Variants in BAZ2B observed in about 807,000 individuals in gnomAD.
BAZ2B encodes the protein bromodomain adjacent to zinc finger domain protein 2B.
Under a neutral mutation model 246.0 loss-of-function variants are expected in BAZ2B, and 91 were observed. The ratio of observed to expected loss-of-function variants is 0.37; its 90% CI spans 0.31 to 0.44. The LOEUF is 0.44. Among genes scored for constraint, BAZ2B ranks in the 20% least tolerant of loss-of-function variants. The pLI is 1.00. For missense variants in BAZ2B, 2,332 were observed against 2,533.7 expected (o/e 0.92, Z 1.71); for synonymous variants, 855 against 860.0 (o/e 0.99, Z 0.10).
chr2:159,630,413 C>T, the BAZ2B span, among the ~76,000 whole-genome samples: 1 of 152,170 alleles, frequency 6.6e-6, no homozygotes, highest in African/African-American at 2.4e-5. Flanking sequence ...GTGGCATAAC[C>T]ATAGAGAATT....
chr2:159,478,932 T>C (rs746012786), intron 2 of BAZ2B, among the ~76,000 whole-genome samples: 7 of 152,200 alleles, frequency 4.6e-5, no homozygotes, highest in South Asian at 2.1e-4. Flanking sequence ...CTCTTGAGTT[T>C]TCTTATACCC....
At chr2:159,362,372 T>C (rs964911286) in intron 27 of BAZ2B, among the ~76,000 whole-genome samples, 2 of 152,172 alleles carry the variant, frequency 1.3e-5, no homozygotes, top group Non-Finnish European at 2.9e-5. Context: ...TTATCATTAC[T>C]CAGAAATTAA....
At chr2:159,466,709 G>A (rs1002331265) in intron 3 of BAZ2B, among the ~76,000 whole-genome samples, 19 of 152,008 alleles carry the variant, frequency 1.2e-4, no homozygotes, top group Non-Finnish European at 1.0e-4. Flanking sequence ...GAAAGCTGGT[G>A]GTATAATTCT....
chr2:159,465,649 C>T (rs757706532), intron 3 of BAZ2B, among the ~76,000 whole-genome samples: 1 of 152,170 alleles, frequency 6.6e-6, no homozygotes, highest in African/African-American at 2.4e-5. Context: ...TGAACAGGCG[C>T]GATGGCTCAT....
chr2:159,432,046 A>G (rs1174655274), intron 9 of BAZ2B, among the ~76,000 whole-genome samples: 1 of 152,178 alleles, frequency 6.6e-6, no homozygotes, highest in African/African-American at 2.4e-5. Context: ...GACACTTTAA[A>G]TTGTACAGCT....
intron 1 of BAZ2B, among the ~76,000 whole-genome samples, chr2:159,595,360 C>T (rs1237896824): frequency 6.6e-6 from 1 of 152,094 alleles, no homozygotes; most frequent in Non-Finnish European, 1.5e-5. Context: ...CCTCGGCCTC[C>T]CAAAGTGCTG....
At chr2:159,532,092 AT>A (rs2085436854) in intron 2 of BAZ2B, among the ~76,000 whole-genome samples, 1 of 152,156 alleles carries the variant, frequency 6.6e-6, no homozygotes, top group South Asian at 2.1e-4. Flanking sequence ...CCACAAAATT[AT>A]TTTTTATAAA....
At chr2:159,479,394 T>TA (rs2078999608) in intron 2 of BAZ2B, among the ~76,000 whole-genome samples, 1 of 152,204 alleles carries the variant, frequency 6.6e-6, no homozygotes, top group African/African-American at 2.4e-5. Context: ...ATGCTGATAT[T>TA]AAAAATTTGG....
intron 13 of BAZ2B, 73 bp from the exon 14 acceptor site, chr2:159,412,618 T>A: frequency 7.1e-6 from 10 of 1,406,992 alleles, no homozygotes; most frequent in Non-Finnish European, 8.7e-6. Flanking sequence ...TGTAAGAAAA[T>A]TCTAGCTAAA....
intron 2 of BAZ2B, among the ~76,000 whole-genome samples, chr2:159,491,719 TCAAAAAAAAA>T (rs2080510322): frequency 9.5e-5 from 1 of 10,530 alleles, no homozygotes; most frequent in Non-Finnish European, 1.5e-4. Context: ...AGACTCCGTC[TCAAAAAAAAA>T]AAAAAAAAAA....
intron 2 of BAZ2B, among the ~76,000 whole-genome samples, chr2:159,506,118 T>C (rs568397113): frequency 6.6e-6 from 1 of 152,238 alleles, no homozygotes; most frequent in Non-Finnish European, 1.5e-5. Flanking sequence ...GCAAGTTTAC[T>C]ATAACTAGAG....
chr2:159,607,658 G>A (rs1383112998), intron 1 of BAZ2B, among the ~76,000 whole-genome samples: 9 of 152,146 alleles, frequency 5.9e-5, no homozygotes, highest in Admixed American at 5.9e-4. Context: ...GATGTCAAAT[G>A]GATTGGCTCT....
intron 27 of BAZ2B, among the ~76,000 whole-genome samples, chr2:159,354,993 G>C (rs2058945670): frequency 6.6e-6 from 1 of 152,194 alleles, no homozygotes; most frequent in Non-Finnish European, 1.5e-5. Flanking sequence ...AGTTTTACCA[G>C]AATCACTCTG....
rs368731612 is a variant in BAZ2B, at chr2:159,478,677, T to C, written c.43A>G (p.Thr15Ala). Reference protein sequence around the residue: ...ERLPSSAASSTTPTSSSTPSV... With the variant: ...ERLPSSAASSATPTSSSTPSV... ...GGTGTCGAAGATGAAGTTGGTGTAG[T>C]AGAGGAGGCTGCTGAGGATGGTAAC... The change falls in exon 3 of 37, where the codon ACT becomes GCT. Residue 15 changes from threonine (T) to alanine (A), a missense_variant. Physicochemically the swap from Thr to Ala is moderately conservative, Grantham distance 58. Around this residue, in one of 9 missense-constraint regions of BAZ2B, gnomAD observed 242 missense variants for 237.4 expected, o/e 1.02. Transcript: ENST00000392783. 85 of 1,606,238 alleles carry C rather than the reference T, an allele frequency of 5.3e-5. No homozygotes were observed. The highest frequency in any genetic ancestry group is 9.0e-5 in the East Asian group (4 of 44,344).
intron 3 of BAZ2B, among the ~76,000 whole-genome samples, chr2:159,469,551 T>C (rs1322126324): frequency 6.6e-6 from 1 of 152,138 alleles, no homozygotes. Context: ...TTCCCCTGCC[T>C]CAGCCTCTCA....
the BAZ2B span, among the ~76,000 whole-genome samples, chr2:159,634,286 T>C: frequency 6.6e-6 from 1 of 152,186 alleles, no homozygotes; most frequent in Non-Finnish European, 1.5e-5. Context: ...AGAAAACTTT[T>C]TTGACTCACA....
At chr2:159,346,892 G>C (rs905832370) in intron 31 of BAZ2B, among the ~76,000 whole-genome samples, 1 of 152,142 alleles carries the variant, frequency 6.6e-6, no homozygotes, top group African/African-American at 2.4e-5. Flanking sequence ...CCAGGAGATA[G>C]ATGAGGGAAT....
chr2:159,437,040 A>G (rs528910821), intron 8 of BAZ2B, among the ~76,000 whole-genome samples: 1 of 152,294 alleles, frequency 6.6e-6, no homozygotes, highest in East Asian at 1.9e-4. Context: ...GTAAATGAGG[A>G]TAATATTAGT....
chr2:159,388,438 A>G (rs2149570430), intron 21 of BAZ2B, among the ~76,000 whole-genome samples: 1 of 152,262 alleles, frequency 6.6e-6, no homozygotes, highest in South Asian at 2.1e-4. Context: ...GACAAAACAC[A>G]TATGAGGTGC....
Sources: allele counts gnomAD v4.1 joint callset (sites outside exome capture counted in the v4.1 genomes callset), GRCh38; gene constraint gnomAD v4.1.1; regional missense constraint gnomAD v4.1.1; transcripts MANE v1.5; gene names NCBI Gene and HGNC (gene_info 2026-07-23, HGNC 2026-07-21).